The following ARSJ variants were observed in gnomAD, a reference collection of about 807,000 sequenced individuals.
ARSJ encodes the protein arylsulfatase J.
In ARSJ, 26 loss-of-function variants were observed where a neutral mutation model predicts 35.9. The ratio of observed to expected loss-of-function variants is 0.72; its 90% CI spans 0.53 to 1.00. The LOEUF is 1.00. Among genes scored for constraint, ARSJ ranks in the 50% least tolerant of loss-of-function variants. ARSJ has a pLI of 0.00. For synonymous variants in ARSJ, 294 were observed against 267.6 expected, an observed-to-expected ratio of 1.10 and a Z score of -0.96; for missense variants, 667 against 723.6, an observed-to-expected ratio of 0.92 and a Z score of 0.90.
In ARSJ at chr4:113,921,152, T is replaced by C. The variant is rs1307791991; in HGVS notation, c.399-17477A>G. Reference sequence around the variant, plus strand: ...ATCATAACTGTGAAACCGAAATAAATAGCTAAAAATTATAAGCTTCAAACT... The same window carrying C: ...ATCATAACTGTGAAACCGAAATAAACAGCTAAAAATTATAAGCTTCAAACT... On this transcript the variant is annotated intron_variant, in intron 1 of 1. Coordinates refer to ENST00000315366, the MANE Select transcript of ARSJ (RefSeq NM_024590.4). Among the ~76,000 whole-genome samples the C allele has an allele frequency of 2.7e-5, 4 of 150,692 alleles. No individual in the cohort carries two copies. The East Asian group carries it at 5.8e-4, about 22-fold the overall frequency.
At chr4:113,921,211 C>G (rs995283238) in intron 1 of ARSJ, among the ~76,000 whole-genome samples, 3 of 151,898 alleles carry the variant, frequency 2.0e-5, no homozygotes, top group African/African-American at 7.3e-5. Context: ...AAATTGATTA[C>G]AAGCCTTGAG....
intron 1 of ARSJ, among the ~76,000 whole-genome samples, chr4:113,933,269 A>T (rs925069248): frequency 1.3e-4 from 19 of 151,870 alleles, no homozygotes; most frequent in Non-Finnish European, 1.5e-5. Flanking sequence ...TTTATCAAAC[A>T]TTTAAAGAAA....
At chr4:113,938,966 G>A (rs1724945616) in intron 1 of ARSJ, among the ~76,000 whole-genome samples, 1 of 151,550 alleles carries the variant, frequency 6.6e-6, no homozygotes, top group Non-Finnish European at 1.5e-5. Flanking sequence ...CAATGTGCAG[G>A]TTAGTTGCAT....
At chr4:113,976,680 A>T (rs768550135) in intron 1 of ARSJ, among the ~76,000 whole-genome samples, 7 of 152,262 alleles carry the variant, frequency 4.6e-5, no homozygotes, top group Non-Finnish European at 7.3e-5. Context: ...ATAGAAATTT[A>T]AATCAAATCA....
At chr4:113,945,594 G>A (rs1725427472) in intron 1 of ARSJ, among the ~76,000 whole-genome samples, 1 of 151,936 alleles carries the variant, frequency 6.6e-6, no homozygotes, top group Admixed American at 6.6e-5. Context: ...CATCCTATAG[G>A]GGAATTTTTT....
At chr4:113,958,571 T>C (rs1031901012) in intron 1 of ARSJ, among the ~76,000 whole-genome samples, 3 of 152,050 alleles carry the variant, frequency 2.0e-5, no homozygotes, top group Non-Finnish European at 2.9e-5. Flanking sequence ...TCCTACATCA[T>C]AGATTGGTTA....
rs1351682018 is a variant in ARSJ at position 113,901,457 on chromosome 4, GGTAT to G, written c.*813_*816del. 1 of 119,502 alleles carries G rather than the reference GGTAT, an allele frequency of 8.4e-6. No homozygotes were observed. Among genetic ancestry groups the G allele is most frequent in the Non-Finnish European group, 2.0e-5 (1 of 50,878 alleles). The allele number at this position is 119,502 out of a possible 1,614,324, so 7.4% of individuals were successfully genotyped here. A position where few individuals can be genotyped will look rare whatever the true frequency, so the allele number is the denominator to read the frequency against. On this transcript the variant is annotated 3_prime_UTR_variant, in exon 2 of 2. Transcript: ENST00000315366. Reference sequence around the variant, plus strand: ...AGAAATGAAATAAAATTATTCTAATGGTATGCAGGAAATAAAAATAAAATAAAGT... The same window carrying G: ...AGAAATGAAATAAAATTATTCTAATGGCAGGAAATAAAAATAAAATAAAGT...
chr4:113,944,222 G>C (rs1725334680), intron 1 of ARSJ: 1 of 152,030 alleles, frequency 6.6e-6, no homozygotes, highest in African/African-American at 2.4e-5. Context: ...GTTTATTTAT[G>C]AATCTGTATG....
Position 113,902,935 on chromosome 4 carries a change from C to A in ARSJ, c.1139G>T (p.Trp380Leu). ...AGCCAGTGAAATGAGAGTGGGGTAC[C>A]AGTCAGTGATGTGCACAAGTTCCTT... is the stretch of plus-strand genomic sequence containing the variant. ...VCKELVHITD[W>L]YPTLISLAEG... The change falls in exon 2 of 2, where the codon TGG becomes TTG. Residue 380 changes from tryptophan (W) to leucine (L), a missense_variant. Coordinates refer to ENST00000315366, the MANE Select transcript of ARSJ (RefSeq NM_024590.4). 6.2e-7 allele frequency: 1 copy of A among 1,614,070 alleles called. No homozygotes were observed. Among genetic ancestry groups the A allele is most frequent in the Non-Finnish European group, 8.5e-7 (1 of 1,180,010 alleles).
At position 113,913,973 on chromosome 4, in the gene ARSJ, T is replaced by G. The variant is rs542298095; in HGVS notation, c.399-10298A>C. ...ATTTAAAATCCTTTCATTTTTAAAT[T>G]TTTATTTATTTATTTTTTGAGATGG... On this transcript the variant is annotated intron_variant, in intron 1 of 1. Coordinates refer to ENST00000315366, the MANE Select transcript of ARSJ (RefSeq NM_024590.4). Among the ~76,000 whole-genome samples, 190 of 152,126 alleles carry G rather than the reference T, an allele frequency of 1.2e-3. 2 individuals are homozygous for G. The highest frequency in any genetic ancestry group is 4.3e-3 in the African/African-American group (179 of 41,534).
At chr4:113,919,227 T>C (rs772611220) in intron 1 of ARSJ, among the ~76,000 whole-genome samples, 3 of 152,144 alleles carry the variant, frequency 2.0e-5, no homozygotes, top group Non-Finnish European at 4.4e-5. Flanking sequence ...ACCACGAGGC[T>C]GTGAAATCCT....
At chr4:113,941,613 C>A (rs1447880887) in intron 1 of ARSJ, among the ~76,000 whole-genome samples, 1 of 151,768 alleles carries the variant, frequency 6.6e-6, no homozygotes, top group Non-Finnish European at 1.5e-5. Context: ...AATTCAAATT[C>A]AACACATGAA....
intron 1 of ARSJ, among the ~76,000 whole-genome samples, chr4:113,920,697 G>A (rs1263085115): frequency 2.0e-5 from 3 of 152,114 alleles, no homozygotes; most frequent in Non-Finnish European, 4.4e-5. Flanking sequence ...GTGGCACGTA[G>A]TTATTATTAA....
chr4:113,915,624 C>A (rs1723245439), intron 1 of ARSJ, among the ~76,000 whole-genome samples: 1 of 151,852 alleles, frequency 6.6e-6, no homozygotes, highest in South Asian at 2.1e-4. Context: ...ATTTTCAAAA[C>A]CAGAAATAAA....
chr4:113,971,807 T>A (rs1373292609), intron 1 of ARSJ, among the ~76,000 whole-genome samples: 2 of 152,212 alleles, frequency 1.3e-5, no homozygotes, highest in South Asian at 2.1e-4. Flanking sequence ...GGATGTAACA[T>A]GCTGCTTAAA....
At chr4:113,948,320 C>G (rs1417515572) in intron 1 of ARSJ, among the ~76,000 whole-genome samples, 2 of 152,082 alleles carry the variant, frequency 1.3e-5, no homozygotes, top group Non-Finnish European at 1.5e-5. Context: ...TTTATATTCT[C>G]TCATAACTAT....
intron 1 of ARSJ, among the ~76,000 whole-genome samples, chr4:113,936,921 T>C (rs1724802655): frequency 6.6e-6 from 1 of 151,942 alleles, no homozygotes; most frequent in Non-Finnish European, 1.5e-5. Context: ...TCCTTGCTTT[T>C]AGTTGTATTG....
intron 1 of ARSJ, among the ~76,000 whole-genome samples, chr4:113,950,602 G>A (rs1454224964): frequency 6.6e-6 from 1 of 152,066 alleles, no homozygotes; most frequent in African/African-American, 2.4e-5. Context: ...AGAGGGAGAG[G>A]AAGAGGGGAG....
At chr4:113,950,779 G>T (rs573223396) in intron 1 of ARSJ, among the ~76,000 whole-genome samples, 3 of 151,958 alleles carry the variant, frequency 2.0e-5, no homozygotes, top group Non-Finnish European at 4.4e-5. Context: ...CATTAAGAGC[G>T]TATGCTTTCC....
Sources: allele counts gnomAD v4.1 joint callset (sites outside exome capture counted in the v4.1 genomes callset), GRCh38; gene constraint gnomAD v4.1.1; transcripts MANE v1.5; gene names NCBI Gene and HGNC (gene_info 2026-07-23, HGNC 2026-07-21).